The following NAA35 variants were observed in gnomAD, a reference collection of about 807,000 sequenced individuals.
NAA35 encodes the protein N-alpha-acetyltransferase 35, NatC auxiliary subunit.
In NAA35, 18 loss-of-function variants were observed where a neutral mutation model predicts 101.7. The observed-to-expected ratio is 0.18, with a 90% CI of 0.12 to 0.26. The LOEUF (loss-of-function observed/expected upper bound fraction) is 0.26, where lower values mean the gene tolerates loss of function less well. NAA35 is among the 10% of genes least tolerant of loss of function. The pLI is 1.00. For synonymous variants in NAA35, 267 were observed against 273.1 expected (o/e 0.98, Z 0.22); for missense variants, 601 against 886.8 (o/e 0.68, Z 4.09).
At chr9:85,973,635 A>G (rs973582661) in intron 6 of NAA35, among the ~76,000 whole-genome samples, 1 of 152,164 alleles carries the variant, frequency 6.6e-6, no homozygotes, top group Non-Finnish European at 1.5e-5. Flanking sequence ...AACACTAGGA[A>G]GTAGGCGTCA....
At chr9:86,006,547 C>G (rs1046208244) in intron 13 of NAA35, among the ~76,000 whole-genome samples, 3 of 152,090 alleles carry the variant, frequency 2.0e-5, no homozygotes, top group Admixed American at 6.6e-5. Context: ...AAGCTGGACT[C>G]AAAAGGCTAT....
At chr9:86,016,426 ATC>A in intron 17 of NAA35, 111 bp from the exon 18 acceptor site, 1 of 810,810 alleles carries the variant, frequency 1.2e-6, no homozygotes, top group Admixed American at 2.8e-5. Flanking sequence ...CTAATGAATG[ATC>A]TGTTTTTAAA....
chr9:85,963,186 C>A lies in NAA35; in HGVS notation c.516+1006C>A, dbSNP rs75293002. On this transcript the variant is annotated intron_variant, in intron 6 of 22. Coordinates refer to ENST00000361671, the MANE Select transcript of NAA35 (RefSeq NM_024635.4). ...GTGGTTCAGTGTATAATATGTAAAA[C>A]TTTTCTCAATTTATACTATGTATGT... Among the ~76,000 whole-genome samples, 1,249 of 149,442 alleles carry A rather than the reference C, an allele frequency of 8.4e-3. 22 individuals are homozygous for A. The highest frequency in any genetic ancestry group is 0.03 in the African/African-American group (1,205 of 40,824).
chr9:85,995,791 T>C (rs897510434), intron 11 of NAA35, among the ~76,000 whole-genome samples: 1 of 152,128 alleles, frequency 6.6e-6, no homozygotes, highest in Non-Finnish European at 1.5e-5. Flanking sequence ...GTGTGAAAAG[T>C]GAGATCACCA....
At chr9:85,963,768 A>G (rs563785913) in intron 6 of NAA35, among the ~76,000 whole-genome samples, 1 of 152,266 alleles carries the variant, frequency 6.6e-6, no homozygotes, top group East Asian at 1.9e-4. Flanking sequence ...GGCCATCAAA[A>G]TCAATGGGGC....
At chr9:85,941,369 G>A in intron 1 of NAA35, 96 bp downstream of exon 1, 1 of 985,526 alleles carries the variant, frequency 1.0e-6, no homozygotes, top group Non-Finnish European at 1.2e-6. Flanking sequence ...GGGACCCCAG[G>A]TCACCCTGCG....
intron 4 of NAA35, 76 bp from the exon 5 acceptor site, chr9:85,959,717 C>T (rs561294575): frequency 9.8e-5 from 91 of 930,186 alleles, no homozygotes; most frequent in Non-Finnish European, 1.4e-4. Flanking sequence ...GTTAGAAATC[C>T]AAAATGCTAC....
At chr9:85,967,229 A>G (rs1829784215) in intron 6 of NAA35, among the ~76,000 whole-genome samples, 1 of 152,232 alleles carries the variant, frequency 6.6e-6, no homozygotes, top group South Asian at 2.1e-4. Flanking sequence ...ATAATTGATT[A>G]CACATAATTT....
At chr9:86,014,291 A>G (rs1450617209) in intron 17 of NAA35, 4 of 618,112 alleles carry the variant, frequency 6.5e-6, no homozygotes, top group East Asian at 2.8e-4. Context: ...CAAGGTGATC[A>G]CTGGGAGCAT....
intron 11 of NAA35, among the ~76,000 whole-genome samples, chr9:85,995,757 G>C (rs1831128409): frequency 6.6e-6 from 1 of 152,124 alleles, no homozygotes; most frequent in Non-Finnish European, 1.5e-5. Flanking sequence ...AGTTGAGAAA[G>C]ACTTAGTTTG....
rs759509980 is a variant in NAA35 at position 85,962,097 on chromosome 9, G to A, written c.433G>A (p.Ala145Thr). Reference protein sequence around the residue: ...IHNPDFIEDPAMKAFALGILK... With the variant: ...IHNPDFIEDPTMKAFALGILK... ...TAATCCAGACTTTATAGAAGATCCTGCTATGAAGGCTTTTGCTCTGGGAAT... is the reference window on the plus strand; with the variant it reads ...TAATCCAGACTTTATAGAAGATCCTACTATGAAGGCTTTTGCTCTGGGAAT... Residue 145 changes from alanine to threonine, a missense_variant, in exon 6 of 23, where the codon GCT (alanine) becomes ACT (threonine). By Grantham distance (58) the Ala-to-Thr change is moderately conservative (BLOSUM62 0). This residue lies in a region of NAA35 where 86 missense variants were observed against 169.4 expected (regional missense o/e 0.51). Coordinates refer to ENST00000361671, the MANE Select transcript of NAA35 (RefSeq NM_024635.4). 6.2e-7 allele frequency: 1 copy of A among 1,613,872 alleles called. No individual in the cohort carries two copies. Among genetic ancestry groups the A allele is most frequent in the Non-Finnish European group, 8.5e-7 (1 of 1,179,810 alleles).
chr9:86,021,769 A>G (rs1832570550), intron 22 of NAA35, 132 bp from the exon 23 acceptor site: 1 of 706,668 alleles, frequency 1.4e-6, no homozygotes, highest in South Asian at 1.9e-5. Context: ...TCATTAACCT[A>G]GTTTTTAAAA....
intron 16 of NAA35, 22 bp downstream of exon 16, chr9:86,013,166 CTT>C (rs772744945): frequency 6.8e-7 from 1 of 1,464,792 alleles, no homozygotes; most frequent in Non-Finnish European, 9.5e-7. Flanking sequence ...GTTCCCCTCT[CTT>C]CTAAAATTAA....
chr9:85,965,025 T>A (rs1270504136), intron 6 of NAA35, among the ~76,000 whole-genome samples: 1 of 152,210 alleles, frequency 6.6e-6, no homozygotes, highest in Non-Finnish European at 1.5e-5. Flanking sequence ...TTATTCTAGT[T>A]CATTTTCCAC....
At chr9:86,006,767 A>G (rs1587650785) in intron 13 of NAA35, among the ~76,000 whole-genome samples, 1 of 152,178 alleles carries the variant, frequency 6.6e-6, no homozygotes, top group East Asian at 1.9e-4. Flanking sequence ...TTAGACTTAT[A>G]ACTGTACAAC....
intron 22 of NAA35, 30 bp downstream of exon 22, chr9:86,020,999 CTTAGA>C (rs766561472): frequency 1.5e-5 from 23 of 1,504,654 alleles, no homozygotes; most frequent in Non-Finnish European, 2.0e-5. Context: ...AATAAGTGGT[CTTAGA>C]TTATTGTGAA....
chr9:86,013,616 A>T, intron 16 of NAA35, 103 bp from the exon 17 acceptor site: 1 of 1,105,318 alleles, frequency 9.0e-7, no homozygotes, highest in Non-Finnish European at 1.3e-6. Flanking sequence ...GGTCAGATTT[A>T]AATTTTCTGC....
chr9:86,014,761 C>G, intron 17 of NAA35, among the ~76,000 whole-genome samples: 1 of 152,104 alleles, frequency 6.6e-6, no homozygotes, highest in East Asian at 1.9e-4. Flanking sequence ...ACAACTCTTG[C>G]CTGTGAAAAC....
At chr9:85,973,878 G>GT (rs967776331) in intron 6 of NAA35, among the ~76,000 whole-genome samples, 56 of 144,538 alleles carry the variant, frequency 3.9e-4, no homozygotes, top group South Asian at 1.1e-3. Flanking sequence ...GATGCTCACT[G>GT]TTTTTTTTTT....
Sources: gnomAD v4.1 joint callset for allele counts (sites outside exome capture counted in the v4.1 genomes callset) on GRCh38, gnomAD v4.1.1 for gene constraint, gnomAD v4.1.1 regional missense constraint, MANE v1.5 for transcripts, NCBI Gene and HGNC (gene_info 2026-07-23, HGNC 2026-07-21) for gene names.